Variants in MGA observed in about 807,000 individuals in gnomAD.
MGA encodes the protein MAX dimerization protein MGA, also known as MAX gene-associated protein.
In MGA, 40 loss-of-function variants were observed where a neutral mutation model predicts 261.1. The ratio of observed to expected loss-of-function variants is 0.15; its 90% confidence interval spans 0.12 to 0.20. The LOEUF (loss-of-function observed/expected upper bound fraction) is 0.20, where lower values mean the gene tolerates loss of function less well. Among genes scored for constraint, MGA ranks in the 10% least tolerant of loss-of-function variants. MGA has a pLI of 1.00. For missense variants in MGA, 3,397 were observed against 3,630.5 expected (o/e 0.94, Z 1.65); for synonymous variants, 1,302 against 1,290.6 (o/e 1.01, Z -0.19).
chr15:41,624,324 T>C (rs1478622878), intron 1 of MGA, among the ~76,000 whole-genome samples: 1 of 152,106 alleles, frequency 6.6e-6, no homozygotes. Flanking sequence ...CTCAGCTCAC[T>C]GCAACTTCCG....
At chr15:41,732,919 G>C (rs2061585118) in intron 11 of MGA, among the ~76,000 whole-genome samples, 1 of 152,162 alleles carries the variant, frequency 6.6e-6, no homozygotes, top group South Asian at 2.1e-4. Flanking sequence ...ACCAAGGGCT[G>C]CTCTGTCTAT....
At chr15:41,698,810 TAAGTTTTCAG>T in intron 3 of MGA, 43 bp from the exon 4 acceptor site, 1 of 1,359,686 alleles carries the variant, frequency 7.4e-7, no homozygotes, top group Non-Finnish European at 1.0e-6. Context: ...GTTTTACATT[TAAGTTTTCAG>T]AAGCAATATG....
intron 8 of MGA, among the ~76,000 whole-genome samples, chr15:41,712,015 G>A (rs549939770): frequency 6.6e-6 from 1 of 152,032 alleles, no homozygotes; most frequent in Non-Finnish European, 1.5e-5. Context: ...GCTTTTAAAA[G>A]ATACTAAATC....
chr15:41,656,697 C>T (rs1291004447), upstream of MGA, among the ~76,000 whole-genome samples: 1 of 151,534 alleles, frequency 6.6e-6, no homozygotes, highest in Non-Finnish European at 1.5e-5. Flanking sequence ...CATTTCTGTC[C>T]TTCTTTTCAT....
chr15:41,708,014 ACTT>A lies in MGA; in HGVS notation c.2321-89_2321-87del. ...TATAGTTTTGATAAGTGATTTATAC[ACTT>A]ACCAAATTAAAGTTTTATTAATTAA... On this transcript the variant is annotated intron_variant, in intron 6 of 23. Coordinates refer to ENST00000219905, the MANE Select transcript of MGA (RefSeq NM_001164273.2). The A allele has an allele frequency of 2.2e-6, 3 of 1,374,546 alleles. No homozygotes were observed. In the South Asian group the frequency reaches 4.2e-5, roughly 19 times the overall value. 85.1% of individuals were successfully genotyped at this position (1,374,546 alleles called of 1,614,324 possible).
At chr15:41,663,864 T>C (rs1284550465) in intron 1 of MGA, among the ~76,000 whole-genome samples, 1 of 152,170 alleles carries the variant, frequency 6.6e-6, no homozygotes, top group Non-Finnish European at 1.5e-5. Flanking sequence ...CTGAATATCC[T>C]TAATTGACTG....
chr15:41,749,236 G>C lies in MGA; in HGVS notation c.5629G>C (p.Val1877Leu). ...TCAAGCTGTTGGGTCTTCTTCAGCA[G>C]TGAATGTTATCACTCAGGCACCATC... Residue 1877 changes from valine to leucine, a missense_variant, in exon 17 of 24, where the codon GTG (valine) becomes CTG (leucine). By Grantham distance (32) the Val-to-Leu change is conservative. Transcript: ENST00000219905. 6.2e-7 allele frequency: 1 copy of C among 1,614,058 alleles called. No homozygotes were observed. Among genetic ancestry groups the C allele is most frequent in the Admixed American group, 1.7e-5 (1 of 60,022 alleles).
intron 14 of MGA, among the ~76,000 whole-genome samples, chr15:41,740,572 T>C (rs2062035212): frequency 1.3e-5 from 2 of 152,132 alleles, no homozygotes; most frequent in African/African-American, 4.8e-5. Context: ...AAAAATAGTT[T>C]ACTATTATAC....
intron 2 of MGA, among the ~76,000 whole-genome samples, chr15:41,676,383 C>T (rs551745118): frequency 5.3e-5 from 8 of 152,266 alleles, no homozygotes; most frequent in South Asian, 2.1e-4. Flanking sequence ...TTGGCCAGGC[C>T]GGTCTCATGA....
At chr15:41,704,753 T>C (rs1191617463) in intron 5 of MGA, among the ~76,000 whole-genome samples, 2 of 152,238 alleles carry the variant, frequency 1.3e-5, no homozygotes, top group Non-Finnish European at 2.9e-5. Context: ...TATAGGTGTT[T>C]ATAGAACTAT....
chr15:41,739,194 C>A (rs2061956010), intron 13 of MGA, among the ~76,000 whole-genome samples: 1 of 152,020 alleles, frequency 6.6e-6, no homozygotes, highest in Non-Finnish European at 1.5e-5. Context: ...GATGGGCAGT[C>A]TGATAAACTC....
chr15:41,644,021 C>T (rs558485248), intron 1 of MGA, among the ~76,000 whole-genome samples: 14 of 152,168 alleles, frequency 9.2e-5, no homozygotes, highest in African/African-American at 3.4e-4. Flanking sequence ...AATGGTTCAA[C>T]ATAATTCTTT....
intron 9 of MGA, among the ~76,000 whole-genome samples, chr15:41,716,263 C>T (rs1032577291): frequency 4.7e-5 from 7 of 150,536 alleles, no homozygotes; most frequent in East Asian, 2.0e-4. Flanking sequence ...CTGGCTAACA[C>T]GGTGAAACCC....
intron 13 of MGA, among the ~76,000 whole-genome samples, chr15:41,738,089 G>T (rs1341571785): frequency 6.6e-6 from 1 of 151,974 alleles, no homozygotes; most frequent in Non-Finnish European, 1.5e-5. Context: ...AGTCACTAAG[G>T]ACTTCTCCAT....
chr15:41,684,431 T>C (rs2058838854), intron 2 of MGA: 1 of 447,768 alleles, frequency 2.2e-6, no homozygotes, highest in South Asian at 1.6e-5. Flanking sequence ...AGAAGAGACT[T>C]CTCAGAAGAA....
chr15:41,651,283 A>C (rs1325543477), intron 1 of MGA, among the ~76,000 whole-genome samples: 1 of 152,172 alleles, frequency 6.6e-6, no homozygotes, highest in African/African-American at 2.4e-5. Flanking sequence ...AGACCATAGT[A>C]CTTATGAGAT....
At chr15:41,650,004 G>T (rs1217583246) in intron 1 of MGA, among the ~76,000 whole-genome samples, 1 of 152,180 alleles carries the variant, frequency 6.6e-6, no homozygotes, top group Admixed American at 6.5e-5. Flanking sequence ...TGGTTAACCA[G>T]TAACCAAAGT....
chr15:41,742,996 T>C lies in MGA; in HGVS notation c.5036T>C (p.Leu1679Ser), dbSNP rs1018031354. Residue 1679 changes from leucine (L) to serine (S), a missense_variant, in exon 15 of 24, where the codon TTG (leucine) becomes TCG (serine). Transcript: ENST00000219905. ...GCTTCAGTTGCTTTTCCTAAGTCTT[T>C]GGTAGCATCTCCTTCAACCATAACT... The C allele has an allele frequency of 3.7e-6, 6 of 1,614,028 alleles. No homozygotes were observed. The highest frequency in any genetic ancestry group is 1.7e-5 in the Admixed American group (1 of 60,024).
intron 12 of MGA, among the ~76,000 whole-genome samples, chr15:41,734,990 G>A (rs1442952721): frequency 1.3e-5 from 2 of 152,182 alleles, no homozygotes; most frequent in Admixed American, 6.5e-5. Context: ...TTAGCTGGCA[G>A]AGGCTACTGT....
Sources: gnomAD v4.1 joint callset for allele counts (sites outside exome capture counted in the v4.1 genomes callset) on GRCh38, gnomAD v4.1.1 for gene constraint, MANE v1.5 for transcripts, NCBI Gene and HGNC (gene_info 2026-07-23, HGNC 2026-07-21) for gene names.